IGF1R: variants seen among roughly 807,000 people sequenced by gnomAD.
IGF1R encodes insulin like growth factor 1 receptor.
In IGF1R, 44 loss-of-function variants were observed where a neutral mutation model predicts 144.6. The observed-to-expected ratio is 0.30, with a 90% CI of 0.24 to 0.39. IGF1R has a LOEUF of 0.39. Ranked by LOEUF, IGF1R falls within the 10% of genes least tolerant of loss-of-function variation. The pLI is 1.00. For synonymous variants in IGF1R, 795 were observed against 722.8 expected (o/e 1.10, Z -1.60); for missense variants, 1,355 against 1,833.7 (o/e 0.74, Z 4.77).
intron 2 of IGF1R, among the ~76,000 whole-genome samples, chr15:98,878,693 A>AAAAAAAACAAAAAAAAC (rs1567174382): frequency 7.9e-6 from 1 of 126,116 alleles, no homozygotes; most frequent in African/African-American, 3.6e-5. Context: ...AAAAAAAAAA[A>AAAAAAAACAAAAAAAAC]AACAACAACA....
chr15:98,936,849 TTCAC>T (rs1470624651), intron 17 of IGF1R, among the ~76,000 whole-genome samples: 1 of 152,086 alleles, frequency 6.6e-6, no homozygotes, highest in East Asian at 1.9e-4. Flanking sequence ...CTCTTCCTGG[TTCAC>T]TCACTCACTT....
At chr15:98,656,920 ATTAT>A (rs1346723423) in intron 1 of IGF1R, among the ~76,000 whole-genome samples, 2 of 152,236 alleles carry the variant, frequency 1.3e-5, no homozygotes, top group African/African-American at 2.4e-5. Context: ...TGGCTTTGGA[ATTAT>A]TTGTCAGTTT....
At chr15:98,888,843 C>G (rs1247000847) in intron 2 of IGF1R, among the ~76,000 whole-genome samples, 1 of 152,196 alleles carries the variant, frequency 6.6e-6, no homozygotes, top group Non-Finnish European at 1.5e-5. Flanking sequence ...AGTAAGCAGT[C>G]CAGGGTTAGC....
At chr15:98,748,563 G>A (rs769968847) in intron 2 of IGF1R, among the ~76,000 whole-genome samples, 4 of 152,142 alleles carry the variant, frequency 2.6e-5, no homozygotes, top group Admixed American at 6.5e-5. Flanking sequence ...CGTGCAAATC[G>A]TCATTTTCTA....
chr15:98,737,400 T>C (rs1596251694), intron 2 of IGF1R, among the ~76,000 whole-genome samples: 1 of 152,178 alleles, frequency 6.6e-6, no homozygotes, highest in East Asian at 1.9e-4. Flanking sequence ...ACCCTTGCGT[T>C]TGTTCTGCCA....
intron 1 of IGF1R, among the ~76,000 whole-genome samples, chr15:98,657,040 C>T (rs989016775): frequency 2.0e-5 from 3 of 152,118 alleles, no homozygotes; most frequent in Non-Finnish European, 4.4e-5. Flanking sequence ...GAAATTTTTC[C>T]TGATACATTG....
chr15:98,661,209 A>G (rs2052590299), intron 1 of IGF1R, among the ~76,000 whole-genome samples: 1 of 152,098 alleles, frequency 6.6e-6, no homozygotes, highest in South Asian at 2.1e-4. Context: ...CCTGGGAGGG[A>G]CAGTAGCAAG....
Position 98,957,664 on chromosome 15 carries a change from T to G in IGF1R, c.*222T>G, listed in dbSNP as rs758097567. ...AGCTTTTTATTCCCTGCCCAAACCC[T>G]TAACTGACATGGGCCTTTAAGAACC... On this transcript the variant is annotated 3_prime_UTR_variant, in exon 21 of 21. Coordinates refer to ENST00000650285, the MANE Select transcript of IGF1R (RefSeq NM_000875.5). 4.9e-6 allele frequency: 3 copies of G among 608,318 alleles called. No individual in the cohort carries two copies. The highest frequency in any genetic ancestry group is 8.7e-6 in the Non-Finnish European group (3 of 343,796). The allele number at this position is 608,318 out of a possible 1,614,324, so 37.7% of individuals were successfully genotyped here.
At chr15:98,825,160 A>T (rs1334150333) in intron 2 of IGF1R, among the ~76,000 whole-genome samples, 2 of 152,090 alleles carry the variant, frequency 1.3e-5, no homozygotes, top group Admixed American at 1.3e-4. Flanking sequence ...TAATTTTACA[A>T]ACTTGGCATA....
chr15:98,901,984 C>T (rs942586889), intron 5 of IGF1R, among the ~76,000 whole-genome samples: 1 of 152,166 alleles, frequency 6.6e-6, no homozygotes, highest in African/African-American at 2.4e-5. Flanking sequence ...GACCATGGAA[C>T]GTATTCAAGG....
chr15:98,652,279 C>T (rs544409920), intron 1 of IGF1R, among the ~76,000 whole-genome samples: 1 of 152,330 alleles, frequency 6.6e-6, no homozygotes, highest in East Asian at 1.9e-4. Context: ...AAAAAGTCAG[C>T]ATGCACTTTA....
intron 2 of IGF1R, among the ~76,000 whole-genome samples, chr15:98,714,350 G>C (rs2141270094): frequency 6.6e-6 from 1 of 152,266 alleles, no homozygotes; most frequent in South Asian, 2.1e-4. Flanking sequence ...GTTTAAGAAT[G>C]TGTAAATTGA....
At chr15:98,772,510 A>ATTATTATTATTATTATTGTTG (rs60796484) in intron 2 of IGF1R, among the ~76,000 whole-genome samples, 1 of 141,948 alleles carries the variant, frequency 7.0e-6, no homozygotes, top group Non-Finnish European at 1.5e-5. Context: ...TATTATTATT[A>ATTATTATTATTATTATTGTTG]TTATTTTAAG....
intron 8 of IGF1R, among the ~76,000 whole-genome samples, 165 bp from the exon 9 acceptor site, chr15:98,915,799 T>C (rs1002189788): frequency 6.6e-6 from 1 of 152,264 alleles, no homozygotes; most frequent in African/African-American, 2.4e-5. Context: ...TTTATAGTAG[T>C]ACTATTTCAA....
intron 2 of IGF1R, among the ~76,000 whole-genome samples, chr15:98,781,640 T>C (rs8024123): frequency 0.022 from 3,338 of 152,314 alleles, 129 homozygotes; most frequent in African/African-American, 0.076. Context: ...TAGCCTTTTT[T>C]GGTAAATAGT....
chr15:98,923,375 T>C (rs1374979238), intron 11 of IGF1R, among the ~76,000 whole-genome samples: 1 of 152,244 alleles, frequency 6.6e-6, no homozygotes, highest in Non-Finnish European at 1.5e-5. Context: ...TGCATAAAAA[T>C]TGCAGTTGCC....
chr15:98,706,188 C>T (rs895234573), intron 1 of IGF1R, among the ~76,000 whole-genome samples: 2 of 152,238 alleles, frequency 1.3e-5, no homozygotes, highest in Non-Finnish European at 2.9e-5. Flanking sequence ...TCTTTGCCTT[C>T]ACCATGAGCC....
intron 20 of IGF1R, chr15:98,954,238 G>A (rs72752895): frequency 6.6e-6 from 1 of 152,026 alleles, no homozygotes; most frequent in Admixed American, 6.5e-5. Flanking sequence ...CAGCCTCCGG[G>A]GGGGGTCACA....
At chr15:98,945,490 A>G (rs1487439386) in intron 19 of IGF1R, among the ~76,000 whole-genome samples, 2 of 152,230 alleles carry the variant, frequency 1.3e-5, no homozygotes, top group Non-Finnish European at 2.9e-5. Context: ...ACACAGAGAC[A>G]TGTATCTACT....
Sources: allele counts gnomAD v4.1 joint callset (sites outside exome capture counted in the v4.1 genomes callset), GRCh38; gene constraint gnomAD v4.1.1; transcripts MANE v1.5; gene names NCBI Gene and HGNC (gene_info 2026-07-23, HGNC 2026-07-21).